The following LRRC1 variants were observed in gnomAD, a reference collection of about 807,000 sequenced individuals.
The protein encoded by LRRC1 is leucine rich repeat containing 1.
Under a neutral mutation model 69.9 loss-of-function variants are expected in LRRC1, and 28 were observed. The ratio of observed to expected loss-of-function variants is 0.40; its 90% CI spans 0.30 to 0.55. The LOEUF is 0.55. LRRC1 is among the 20% of genes least tolerant of loss of function. LRRC1 has a pLI of 0.47. For synonymous variants in LRRC1, 236 were observed against 240.2 expected (o/e 0.98, Z 0.16); for missense variants, 498 against 609.0 (o/e 0.82, Z 1.92).
chr6:53,892,474 AT>A (rs1481583287), intron 4 of LRRC1, among the ~76,000 whole-genome samples: 1 of 152,134 alleles, frequency 6.6e-6, no homozygotes, highest in Non-Finnish European at 1.5e-5. Flanking sequence ...TGACCTTCTG[AT>A]TAAGAGCTTG....
At chr6:53,809,774 G>C (rs1478005915) in intron 1 of LRRC1, among the ~76,000 whole-genome samples, 1 of 152,146 alleles carries the variant, frequency 6.6e-6, no homozygotes, top group East Asian at 1.9e-4. Flanking sequence ...GAGAGACAGA[G>C]GAATGTATCT....
intron 1 of LRRC1, among the ~76,000 whole-genome samples, chr6:53,806,481 G>A (rs1011566167): frequency 6.6e-6 from 1 of 152,120 alleles, no homozygotes; most frequent in Non-Finnish European, 1.5e-5. Context: ...TGTCAGCGCT[G>A]GGTTCTTGTC....
chr6:53,916,137 A>T (rs1420684262), intron 11 of LRRC1, among the ~76,000 whole-genome samples: 1 of 152,194 alleles, frequency 6.6e-6, no homozygotes, highest in East Asian at 1.9e-4. Flanking sequence ...TTATATCATC[A>T]GTTACTCAGG....
At chr6:53,866,643 A>G (rs190016188) in intron 2 of LRRC1, among the ~76,000 whole-genome samples, 10 of 152,284 alleles carry the variant, frequency 6.6e-5, no homozygotes, top group Admixed American at 6.5e-4. Flanking sequence ...TGAAAATGTA[A>G]GATACTATGT....
intron 10 of LRRC1, among the ~76,000 whole-genome samples, chr6:53,908,721 AG>A (rs1311823398): frequency 6.6e-6 from 1 of 152,194 alleles, no homozygotes; most frequent in Non-Finnish European, 1.5e-5. Flanking sequence ...GAGACATTTA[AG>A]GCATCTTAAA....
At chr6:53,896,156 A>G (rs1196405958) in intron 4 of LRRC1, among the ~76,000 whole-genome samples, 4 of 152,236 alleles carry the variant, frequency 2.6e-5, no homozygotes, top group Admixed American at 2.6e-4. Context: ...AGATGCACAC[A>G]TTCAGCTTCT....
chr6:53,856,058 C>T (rs1220761857), intron 2 of LRRC1, among the ~76,000 whole-genome samples: 1 of 152,160 alleles, frequency 6.6e-6, no homozygotes, highest in East Asian at 1.9e-4. Flanking sequence ...AGCAACTGTT[C>T]TGTCCTTCCT....
At chr6:53,913,124 A>T (rs995206277) in intron 10 of LRRC1, among the ~76,000 whole-genome samples, 2 of 152,164 alleles carry the variant, frequency 1.3e-5, no homozygotes, top group African/African-American at 4.8e-5. Flanking sequence ...AAAAAATGGT[A>T]ATCAAATTTG....
At chr6:53,853,353 C>G (rs1004598664) in intron 2 of LRRC1, among the ~76,000 whole-genome samples, 29 of 146,466 alleles carry the variant, frequency 2.0e-4, no homozygotes, top group Non-Finnish European at 3.4e-4. Flanking sequence ...GGTGTGATCT[C>G]GGCTCACTGC....
intron 1 of LRRC1, among the ~76,000 whole-genome samples, chr6:53,806,999 G>A (rs1031850294): frequency 1.0e-5 from 1 of 100,218 alleles, no homozygotes; most frequent in Admixed American, 9.1e-5. Context: ...GCAATTCAGA[G>A]GGTGTTGTTT....
chr6:53,798,490 T>C (rs1163788858), intron 1 of LRRC1, among the ~76,000 whole-genome samples: 1 of 152,242 alleles, frequency 6.6e-6, no homozygotes, highest in Non-Finnish European at 1.5e-5. Context: ...ACCATTCTCC[T>C]GCCTCAGCCT....
chr6:53,844,885 G>A (rs756960284), intron 2 of LRRC1, among the ~76,000 whole-genome samples: 3 of 152,134 alleles, frequency 2.0e-5, no homozygotes, highest in Non-Finnish European at 4.4e-5. Context: ...GAAGGTTCAG[G>A]GCTTTCCTGG....
intron 1 of LRRC1, among the ~76,000 whole-genome samples, chr6:53,803,555 T>C (rs1764552204): frequency 6.6e-6 from 1 of 151,894 alleles, no homozygotes; most frequent in African/African-American, 2.4e-5. Context: ...TTGCATGTGG[T>C]ATTTTAGAAG....
At chr6:53,879,822 G>C (rs999530064) in intron 3 of LRRC1, among the ~76,000 whole-genome samples, 6 of 152,002 alleles carry the variant, frequency 3.9e-5, no homozygotes, top group Admixed American at 6.6e-5. Context: ...GCTGTGAGCT[G>C]TTCCTTATGG....
At chr6:53,812,486 C>G (rs950687622) in intron 1 of LRRC1, among the ~76,000 whole-genome samples, 25 of 150,006 alleles carry the variant, frequency 1.7e-4, no homozygotes, top group Non-Finnish European at 3.4e-4. Flanking sequence ...GTCAGGAGAT[C>G]GAGACCATCC....
At chr6:53,832,028 T>C (rs1765441517) in intron 1 of LRRC1, among the ~76,000 whole-genome samples, 1 of 152,172 alleles carries the variant, frequency 6.6e-6, no homozygotes, top group Non-Finnish European at 1.5e-5. Flanking sequence ...TGTTGGTGTA[T>C]TTGCTGAGAA....
At chr6:53,900,031 T>G (rs71558840) in intron 8 of LRRC1, 140 bp downstream of exon 8, 21,910 of 201,114 alleles carry the variant, frequency 0.11, 814 homozygotes, top group East Asian at 0.23. Flanking sequence ...TTTTTTTTTT[T>G]TTTTTTTTTT....
intron 1 of LRRC1, among the ~76,000 whole-genome samples, chr6:53,817,254 A>G (rs1249536151): frequency 6.6e-6 from 1 of 152,094 alleles, no homozygotes; most frequent in Non-Finnish European, 1.5e-5. Context: ...TGTCTATGGG[A>G]TTCTGAGCTC....
At chr6:53,841,171 G>A (rs1009688343) in intron 1 of LRRC1, among the ~76,000 whole-genome samples, 3 of 152,198 alleles carry the variant, frequency 2.0e-5, no homozygotes, top group African/African-American at 7.2e-5. Flanking sequence ...CCTGCCCTCA[G>A]CTGTGCTTAG....
Sources: gnomAD v4.1 joint callset for allele counts (sites outside exome capture counted in the v4.1 genomes callset) on GRCh38, gnomAD v4.1.1 for gene constraint, MANE v1.5 for transcripts, NCBI Gene and HGNC (gene_info 2026-07-23, HGNC 2026-07-21) for gene names.